The following MAN2A1 variants were observed in gnomAD, a reference collection of about 807,000 sequenced individuals.
The protein encoded by MAN2A1 is mannosidase alpha class 2A member 1, also known as alpha-mannosidase 2.
In MAN2A1, 76 loss-of-function variants were observed where a neutral mutation model predicts 142.6. That is an observed-to-expected ratio of 0.53 (90% CI 0.44 to 0.65). MAN2A1 has a LOEUF of 0.65. MAN2A1 is among the 30% of genes least tolerant of loss of function. The pLI is 0.00. For missense variants in MAN2A1, 1,311 were observed against 1,365.1 expected, an observed-to-expected ratio of 0.96 and a Z score of 0.62; for synonymous variants, 559 against 473.2, an observed-to-expected ratio of 1.18 and a Z score of -2.35.
intron 3 of MAN2A1, among the ~76,000 whole-genome samples, chr5:109,725,883 A>G (rs952826): frequency 0.16 from 23,887 of 152,066 alleles, 2,153 homozygotes; most frequent in African/African-American, 0.26. Flanking sequence ...TAGAGTTTCC[A>G]GCTTTATTGG....
chr5:109,724,687 T>A (rs952362702), intron 3 of MAN2A1, among the ~76,000 whole-genome samples: 3 of 152,052 alleles, frequency 2.0e-5, no homozygotes, highest in African/African-American at 4.8e-5. Context: ...TTAATAAAAA[T>A]AAAAAGAAAA....
chr5:109,745,711 G>A (rs1472052872), intron 4 of MAN2A1, among the ~76,000 whole-genome samples: 2 of 152,070 alleles, frequency 1.3e-5, no homozygotes, highest in Admixed American at 6.6e-5. Context: ...CTCAAACTCC[G>A]GGCTCAAGTG....
At chr5:109,775,369 G>T (rs577296933) in intron 8 of MAN2A1, among the ~76,000 whole-genome samples, 3 of 152,154 alleles carry the variant, frequency 2.0e-5, no homozygotes, top group East Asian at 3.9e-4. Context: ...AGATGCAGAT[G>T]AACATGTCAT....
chr5:109,820,197 T>G, intron 14 of MAN2A1, 23 bp from the exon 15 acceptor site: 2 of 1,580,354 alleles, frequency 1.3e-6, no homozygotes, highest in Non-Finnish European at 1.7e-6. Flanking sequence ...GAGTTGCTTA[T>G]TATTATTTTT....
At chr5:109,816,025 T>A (rs536617009) in intron 12 of MAN2A1, among the ~76,000 whole-genome samples, 2 of 152,324 alleles carry the variant, frequency 1.3e-5, no homozygotes, top group African/African-American at 4.8e-5. Flanking sequence ...TCATAAACCT[T>A]GCAGAGGATG....
Position 109,781,488 on chromosome 5 carries a change from A to C in MAN2A1, c.1467A>C (p.Leu489Phe). The C allele has an allele frequency of 6.2e-7, 1 of 1,613,350 alleles. No homozygotes were observed. The highest frequency in any genetic ancestry group is 8.5e-7 in the Non-Finnish European group (1 of 1,179,682). Reference protein sequence around the residue: ...RDKGQSMFPVLSGDFFTYADR... With the variant: ...RDKGQSMFPVFSGDFFTYADR... Reference sequence around the variant, plus strand: ...AGGGCCAATCGATGTTCCCTGTTTTAAGTGGAGATTTTTTCACTTATGCCG... The same window carrying C: ...AGGGCCAATCGATGTTCCCTGTTTTCAGTGGAGATTTTTTCACTTATGCCG... The change falls in exon 9 of 22, where the codon TTA becomes TTC. Residue 489 changes from leucine to phenylalanine, a missense_variant. Transcript: ENST00000261483.
chr5:109,782,980 A>G lies in MAN2A1; in HGVS notation c.1577+1382A>G, dbSNP rs112304373. Among the ~76,000 whole-genome samples, 79 of 152,210 alleles carry G rather than the reference A, an allele frequency of 5.2e-4. 1 individual carries two copies. Among genetic ancestry groups the G allele is most frequent in the African/African-American group, 1.7e-3 (72 of 41,578 alleles). ...GAATATATCTTATTAAATTTAAAAT[A>G]ATGTTTACATATTATAGTGACTATC... On this transcript the variant is annotated intron_variant, in intron 9 of 21. Coordinates refer to ENST00000261483, the MANE Select transcript of MAN2A1 (RefSeq NM_002372.4).
At chr5:109,726,726 C>A (rs955881258) in intron 3 of MAN2A1, among the ~76,000 whole-genome samples, 2 of 152,114 alleles carry the variant, frequency 1.3e-5, no homozygotes, top group African/African-American at 2.4e-5. Flanking sequence ...AAAAAACATA[C>A]AAAAAAACTT....
At chr5:109,821,686 A>G (rs1754627114) in intron 15 of MAN2A1, among the ~76,000 whole-genome samples, 2 of 151,914 alleles carry the variant, frequency 1.3e-5, no homozygotes, top group Admixed American at 1.3e-4. Context: ...ACGTTTTTGT[A>G]CCTTCATTTA....
At chr5:109,716,726 G>A (rs577385114) in intron 3 of MAN2A1, among the ~76,000 whole-genome samples, 11 of 152,290 alleles carry the variant, frequency 7.2e-5, no homozygotes, top group African/African-American at 2.4e-4. Context: ...ACGAATGTGA[G>A]TCTCAGCTCT....
Position 109,776,768 on chromosome 5 carries a change from A to G in MAN2A1, c.1374+1803A>G, listed in dbSNP as rs1016227283. On this transcript the variant is annotated intron_variant, in intron 8 of 21. Transcript: ENST00000261483. ...TTTCCAGTCATCACCAACTGCCGCAAAAGCAACCACTACTTTCACATCTGT... is the reference window on the plus strand; with the variant it reads ...TTTCCAGTCATCACCAACTGCCGCAGAAGCAACCACTACTTTCACATCTGT... 8.5e-5 allele frequency among the ~76,000 whole-genome samples: 13 copies of G among 152,264 alleles called. No individual in the cohort carries two copies. The East Asian group carries it at 1.4e-3, about 16-fold the overall frequency.
At chr5:109,779,785 G>A (rs1753401255) in intron 8 of MAN2A1, among the ~76,000 whole-genome samples, 1 of 152,058 alleles carries the variant, frequency 6.6e-6, no homozygotes, top group Non-Finnish European at 1.5e-5. Context: ...AGATTAACTT[G>A]CCCAAGATCA....
At chr5:109,749,614 T>C (rs909276899) in intron 4 of MAN2A1, among the ~76,000 whole-genome samples, 2 of 152,076 alleles carry the variant, frequency 1.3e-5, no homozygotes, top group African/African-American at 4.8e-5. Context: ...CTTTGGCCTT[T>C]AGGTTTCATG....
At chr5:109,848,268 G>A (rs912428803) in intron 19 of MAN2A1, among the ~76,000 whole-genome samples, 3 of 152,094 alleles carry the variant, frequency 2.0e-5, no homozygotes, top group Non-Finnish European at 4.4e-5. Flanking sequence ...ACTCCTCAAA[G>A]CAAAAATCTA....
intron 4 of MAN2A1, among the ~76,000 whole-genome samples, chr5:109,753,454 T>C (rs183504012): frequency 2.0e-5 from 3 of 152,356 alleles, no homozygotes; most frequent in African/African-American, 7.2e-5. Context: ...TGAAGTTTGA[T>C]TGGATATTGT....
At position 109,692,565 on chromosome 5, in the gene MAN2A1, AT is replaced by A. The variant is rs539539168; in HGVS notation, c.135+2015del. On this transcript the variant is annotated intron_variant, in intron 1 of 21. Transcript: ENST00000261483. The stretch of plus-strand genomic sequence containing the variant: ...GAGGCACTGAGGCACGGAGAGATTA[AT>A]TAGCTTGCCCAAGATCACACAGCTG... 4.7e-4 allele frequency among the ~76,000 whole-genome samples: 71 copies of A among 152,294 alleles called. 1 individual carries two copies. The highest frequency in any genetic ancestry group is 1.3e-3 in the Admixed American group (20 of 15,306).
intron 9 of MAN2A1, among the ~76,000 whole-genome samples, chr5:109,783,364 C>G (rs1346048892): frequency 6.6e-6 from 1 of 152,088 alleles, no homozygotes; most frequent in African/African-American, 2.4e-5. Flanking sequence ...ATAGGGAAGA[C>G]AATATTTCCC....
At chr5:109,701,281 C>T (rs1361254853) in intron 1 of MAN2A1, among the ~76,000 whole-genome samples, 5 of 152,242 alleles carry the variant, frequency 3.3e-5, no homozygotes, top group South Asian at 2.1e-4. Context: ...CCCTATGGGA[C>T]GATACTTTGA....
At chr5:109,749,783 T>C (rs999702628) in intron 4 of MAN2A1, among the ~76,000 whole-genome samples, 6 of 152,084 alleles carry the variant, frequency 3.9e-5, no homozygotes, top group Admixed American at 6.6e-5. Context: ...TCTCCACTAA[T>C]ATTCCCCTGC....
Sources: allele counts gnomAD v4.1 joint callset (sites outside exome capture counted in the v4.1 genomes callset), GRCh38; gene constraint gnomAD v4.1.1; transcripts MANE v1.5; gene names NCBI Gene and HGNC (gene_info 2026-07-23, HGNC 2026-07-21).